Variants in IQGAP2 observed in about 807,000 individuals in gnomAD.
IQGAP2 encodes IQ motif containing GTPase activating protein 2, also known as ras GTPase-activating-like protein IQGAP2.
Under a neutral mutation model 201.3 loss-of-function variants are expected in IQGAP2, and 173 were observed. The observed-to-expected ratio is 0.86, with a 90% CI of 0.76 to 0.98. The LOEUF (loss-of-function observed/expected upper bound fraction) is 0.98. IQGAP2 is among the 50% of genes least tolerant of loss of function. The probability of loss-of-function intolerance (pLI) is 0.00; values close to 1 mark genes in which losing one functional copy is unlikely to be tolerated. For missense variants in IQGAP2, 1,687 were observed against 1,864.8 expected (o/e 0.90, Z 1.76); for synonymous variants, 675 against 673.9 (o/e 1.00, Z -0.03).
chr5:76,620,494 G>A (rs962075725), intron 13 of IQGAP2, among the ~76,000 whole-genome samples: 9 of 152,162 alleles, frequency 5.9e-5, no homozygotes, highest in African/African-American at 1.4e-4. Context: ...AGACAGGATC[G>A]GGGAGAAGCT....
In IQGAP2 at chr5:76,584,118, T is replaced by G. The variant is rs1188042922; in HGVS notation, c.459-4788T>G. On this transcript the variant is annotated intron_variant, in intron 5 of 35. Transcript: ENST00000274364. ...GAACTCCTGACCTCAAATGATCGCC[T>G]GCCTTGGCCTCCCAAAGTGCTGGGA... Among the ~76,000 whole-genome samples the G allele has an allele frequency of 2.6e-5, 4 of 152,260 alleles. No individual in the cohort carries two copies. In the South Asian group the frequency reaches 6.2e-4, roughly 24 times the overall value.
rs548291432 is a variant in IQGAP2 at position 76,538,227 on chromosome 5, G to A, written c.147-24169G>A. The stretch of plus-strand genomic sequence containing the variant: ...TCTCGTGAGACTTATTTGCTGTCAC[G>A]AGAACAGCACAAGAAAGACCCGCCT... On this transcript the variant is annotated intron_variant, in intron 2 of 35. Transcript: ENST00000274364. Among the ~76,000 whole-genome samples the A allele has an allele frequency of 2.6e-5, 4 of 152,242 alleles. No individual in the cohort carries two copies. The East Asian group carries it at 5.8e-4, about 22-fold the overall frequency.
At chr5:76,628,607 A>G in intron 14 of IQGAP2, 1 of 404,466 alleles carries the variant, frequency 2.5e-6, no homozygotes, top group Non-Finnish European at 4.9e-6. Context: ...TAACCTGCCA[A>G]CTGATGGCAT....
At chr5:76,583,289 T>A (rs1746003193) in intron 5 of IQGAP2, among the ~76,000 whole-genome samples, 1 of 152,190 alleles carries the variant, frequency 6.6e-6, no homozygotes, top group South Asian at 2.1e-4. Flanking sequence ...CTTTTCAGCA[T>A]GGGAATACTG....
At chr5:76,549,225 G>C (rs1743284125) in intron 2 of IQGAP2, among the ~76,000 whole-genome samples, 1 of 151,708 alleles carries the variant, frequency 6.6e-6, no homozygotes, top group South Asian at 2.1e-4. Context: ...CCATTTTGTA[G>C]ATTAGGAAAC....
At chr5:76,545,975 C>T (rs565942552) in intron 2 of IQGAP2, among the ~76,000 whole-genome samples, 10 of 152,090 alleles carry the variant, frequency 6.6e-5, no homozygotes, top group Non-Finnish European at 8.8e-5. Context: ...TGGTTACATG[C>T]GTATCATTGG....
Position 76,611,148 on chromosome 5 carries a change from G to C in IQGAP2, c.1486G>C (p.Asp496His). The change falls in exon 13 of 36, where the codon GAT (aspartate) becomes CAT (histidine). Residue 496 changes from aspartate (D) to histidine (H), a missense_variant. Transcript: ENST00000274364. ...CCCAGCCCATGCCCAGCACTACCAGGATGTTTTATACCATGCTAAATCACA... is the reference window on the plus strand; with the variant it reads ...CCCAGCCCATGCCCAGCACTACCAGCATGTTTTATACCATGCTAAATCACA... ...VDPAHAQHYQ[D>H]VLYHAKSQKL... The C allele has an allele frequency of 6.2e-7, 1 of 1,613,730 alleles. No individual in the cohort carries two copies. The highest frequency in any genetic ancestry group is 1.3e-5 in the African/African-American group (1 of 75,016).
At position 76,637,140 on chromosome 5, in the gene IQGAP2, G is replaced by A; in HGVS notation, c.1887G>A (p.Leu629=). The A allele has an allele frequency of 1.2e-6, 2 of 1,608,748 alleles. No individual in the cohort carries two copies. Among genetic ancestry groups the A allele is most frequent in the Non-Finnish European group, 1.7e-6 (2 of 1,177,438 alleles). The change falls in exon 16 of 36, where the codon TTG becomes TTA. Residue 629 remains leucine, a synonymous_variant. Coordinates refer to ENST00000274364, the MANE Select transcript of IQGAP2 (RefSeq NM_006633.5). ...CCTGGGTCACACCTGAATCATGCTT[G>A]TATAAAGAATCATGGCTCACAGGAA... ...ESSWVTPESC[L]YKESWLTGKE... is the part of the protein sequence containing the mutation.
intron 2 of IQGAP2, among the ~76,000 whole-genome samples, chr5:76,522,041 G>T (rs1463957452): frequency 6.6e-6 from 1 of 152,016 alleles, no homozygotes; most frequent in East Asian, 1.9e-4. Context: ...GTATGGATTT[G>T]TTCTCAAGTT....
intron 1 of IQGAP2, among the ~76,000 whole-genome samples, chr5:76,408,376 C>T (rs186505163): frequency 1.3e-5 from 2 of 152,208 alleles, no homozygotes; most frequent in Admixed American, 1.3e-4. Context: ...CTCATTATGG[C>T]CTTTGAGAGG....
At chr5:76,451,081 T>A (rs1214698422) in intron 1 of IQGAP2, among the ~76,000 whole-genome samples, 1 of 152,158 alleles carries the variant, frequency 6.6e-6, no homozygotes, top group Non-Finnish European at 1.5e-5. Context: ...CCTTAGTATA[T>A]CCCTGGAACA....
rs538497714 is a variant in IQGAP2, at chr5:76,403,761, G to T, written c.46+170G>T. Among the ~76,000 whole-genome samples, 12 of 152,250 alleles carry T rather than the reference G, an allele frequency of 7.9e-5. No homozygotes were observed. In the South Asian group the frequency reaches 2.5e-3, roughly 32 times the overall value. ...GGAGTTGCAAAGGGCAGTGAATCGCGTCCCCCCGCTCCTCCCGCCCCCCAA... is the reference window on the plus strand; with the variant it reads ...GGAGTTGCAAAGGGCAGTGAATCGCTTCCCCCCGCTCCTCCCGCCCCCCAA... On this transcript the variant is annotated intron_variant, in intron 1 of 35. Coordinates refer to ENST00000274364, the MANE Select transcript of IQGAP2 (RefSeq NM_006633.5). The surrounding 1 kb of genome is among the most constrained non-coding windows in gnomAD (Gnocchi z 4.8).
intron 2 of IQGAP2, among the ~76,000 whole-genome samples, chr5:76,522,413 C>T (rs899403694): frequency 6.6e-6 from 1 of 152,074 alleles, no homozygotes; most frequent in African/African-American, 2.4e-5. Flanking sequence ...GAACTCCAGA[C>T]CTCAAGTGAT....
intron 17 of IQGAP2, among the ~76,000 whole-genome samples, chr5:76,652,066 T>C (rs992158262): frequency 6.6e-6 from 1 of 152,214 alleles, no homozygotes; most frequent in Non-Finnish European, 1.5e-5. Flanking sequence ...TGCTCATAAA[T>C]GAATTGGAAT....
At chr5:76,580,938 TGAC>T (rs1208903620) in intron 5 of IQGAP2, among the ~76,000 whole-genome samples, 1 of 152,256 alleles carries the variant, frequency 6.6e-6, no homozygotes, top group Non-Finnish European at 1.5e-5. Context: ...CTAGTTCATT[TGAC>T]CATTGAGATT....
intron 3 of IQGAP2, among the ~76,000 whole-genome samples, chr5:76,565,929 G>A (rs1192710572): frequency 1.3e-5 from 2 of 152,046 alleles, no homozygotes; most frequent in African/African-American, 2.4e-5. Flanking sequence ...CCCAGGAAGC[G>A]GTACTCTTAA....
At chr5:76,624,585 G>T (rs988853032) in intron 13 of IQGAP2, 12 of 151,868 alleles carry the variant, frequency 7.9e-5, no homozygotes, top group African/African-American at 2.9e-4. Flanking sequence ...ATTGACAAAG[G>T]TTTTTTTTGT....
At chr5:76,656,489 T>C (rs1580738787) in intron 20 of IQGAP2, among the ~76,000 whole-genome samples, 1 of 20,708 alleles carries the variant, frequency 4.8e-5, no homozygotes. Flanking sequence ...CCGTTTTTGG[T>C]TTTTTTTTTA....
At chr5:76,616,005 A>C (rs1021273607) in intron 13 of IQGAP2, 1 of 152,666 alleles carries the variant, frequency 6.6e-6, no homozygotes, top group East Asian at 1.9e-4. Context: ...TCATTCAGCC[A>C]CATAGTATTC....
Sources: gnomAD v4.1 joint callset for allele counts (sites outside exome capture counted in the v4.1 genomes callset) on GRCh38, gnomAD v4.1.1 for gene constraint, Gnocchi (gnomAD v3.1) non-coding constraint, MANE v1.5 for transcripts, NCBI Gene and HGNC (gene_info 2026-07-23, HGNC 2026-07-21) for gene names.